CDH23: variants seen among roughly 807,000 people sequenced by gnomAD.
CDH23 encodes cadherin-23.
Under a neutral mutation model 317.1 loss-of-function variants are expected in CDH23, and 189 were observed. The observed-to-expected ratio is 0.60, with a 90% confidence interval of 0.53 to 0.67. CDH23 has a LOEUF of 0.67. Ranked by LOEUF, CDH23 falls within the 30% of genes least tolerant of loss-of-function variation. CDH23 has a pLI of 0.00. For synonymous variants in CDH23, 1,839 were observed against 1,876.8 expected (o/e 0.98, Z 0.52); for missense variants, 4,401 against 4,592.4 (o/e 0.96, Z 1.20).
In CDH23 at chr10:71,759,046, G is replaced by GT. The variant is rs568007136; in HGVS notation, c.4845+17135dup. Among the ~76,000 whole-genome samples, 560 of 145,540 alleles carry GT rather than the reference G, an allele frequency of 3.8e-3. 5 individuals are homozygous for GT. The Middle Eastern group carries it at 0.049, about 13-fold the overall frequency. ...CACCATGCCAGGCAAATTTTGGGTT[G>GT]TTTTTTTTTTGAGATGGAGTCTTGC... On this transcript the variant is annotated intron_variant, in intron 38 of 69. Coordinates refer to ENST00000224721, the MANE Select transcript of CDH23 (RefSeq NM_022124.6).
intron 3 of CDH23, among the ~76,000 whole-genome samples, chr10:71,470,828 T>C (rs879663103): frequency 3.9e-5 from 6 of 152,340 alleles, no homozygotes; most frequent in South Asian, 4.1e-4. Flanking sequence ...ACTTATGTGA[T>C]AGTATCTCAT....
chr10:71,617,146 C>A (rs1010218550), intron 10 of CDH23, 59 bp from the exon 11 acceptor site: 3 of 1,548,628 alleles, frequency 1.9e-6, no homozygotes, highest in East Asian at 2.3e-5. Flanking sequence ...CTTTGGTAAG[C>A]AAGAGCTGTT....
At chr10:71,660,157 C>T (rs1385299557) in intron 14 of CDH23, among the ~76,000 whole-genome samples, 1 of 151,996 alleles carries the variant, frequency 6.6e-6, no homozygotes, top group African/African-American at 2.4e-5. Context: ...GATGGGGTTT[C>T]ACCATGTTGG....
chr10:71,440,593 C>A (rs978332478), intron 2 of CDH23, among the ~76,000 whole-genome samples: 1 of 152,194 alleles, frequency 6.6e-6, no homozygotes, highest in Admixed American at 6.5e-5. Flanking sequence ...CAGCCAGGAG[C>A]CTTCCCCTCT....
intron 3 of CDH23, chr10:71,509,826 C>A (rs1242372887): frequency 3.9e-6 from 2 of 514,574 alleles, no homozygotes; most frequent in Non-Finnish European, 7.0e-6. Context: ...TCATAAGTGT[C>A]TTTTACACAC....
intron 38 of CDH23, among the ~76,000 whole-genome samples, chr10:71,776,312 T>G (rs900117933): frequency 7.2e-5 from 11 of 152,108 alleles, no homozygotes; most frequent in African/African-American, 2.7e-4. Context: ...ATCTGTCCAT[T>G]CTTCCAGTGG....
chr10:71,573,813 G>A (rs572274829), intron 8 of CDH23, among the ~76,000 whole-genome samples: 2 of 152,142 alleles, frequency 1.3e-5, no homozygotes, highest in African/African-American at 4.8e-5. Context: ...AGCCTGGCCC[G>A]GCTCCCCTGG....
At chr10:71,688,680 G>T (rs868757833) in intron 19 of CDH23, among the ~76,000 whole-genome samples, 9 of 138,050 alleles carry the variant, frequency 6.5e-5, no homozygotes, top group Admixed American at 2.8e-4. Context: ...GTCAGGGGTG[G>T]TGGAGCCAAC....
intron 18 of CDH23, among the ~76,000 whole-genome samples, chr10:71,683,442 G>C (rs1198736786): frequency 1.3e-5 from 2 of 152,248 alleles, no homozygotes; most frequent in East Asian, 3.8e-4. Flanking sequence ...AGCAGCCTCT[G>C]CCACTGCCCA....
chr10:71,789,318 A>G (rs1283040007), intron 45 of CDH23, among the ~76,000 whole-genome samples: 1 of 152,134 alleles, frequency 6.6e-6, no homozygotes, highest in African/African-American at 2.4e-5. Context: ...CAAGAAGGGC[A>G]TGTAAGGTGT....
chr10:71,686,760 G>A (rs1027606529), intron 18 of CDH23, among the ~76,000 whole-genome samples: 2 of 152,180 alleles, frequency 1.3e-5, no homozygotes, highest in Non-Finnish European at 2.9e-5. Context: ...GGAAAGGGGA[G>A]AAGGTCATGA....
Position 71,767,325 on chromosome 10 carries a change from G to A in CDH23, c.4846-10355G>A, listed in dbSNP as rs183794157. On this transcript the variant is annotated intron_variant, in intron 38 of 69. Coordinates refer to ENST00000224721, the MANE Select transcript of CDH23 (RefSeq NM_022124.6). ...CTTAGCCCACAGTCGCCAAGGCAAC[G>A]CCCTAGCCTTTGGAGGTGGGACCCA... Among the ~76,000 whole-genome samples, 412 of 152,332 alleles carry A rather than the reference G, an allele frequency of 2.7e-3. 4 individuals carry two copies. The highest frequency in any genetic ancestry group is 4.2e-3 in the Non-Finnish European group (285 of 68,032).
intron 1 of CDH23, among the ~76,000 whole-genome samples, chr10:71,417,630 G>T (rs1039032495): frequency 6.6e-6 from 1 of 151,868 alleles, no homozygotes; most frequent in Non-Finnish European, 1.5e-5. Context: ...TTTTCTTTGA[G>T]ACAAGTTCTG....
intron 69 of CDH23, among the ~76,000 whole-genome samples, chr10:71,814,480 T>C (rs1842051172): frequency 6.6e-6 from 1 of 152,118 alleles, no homozygotes; most frequent in Admixed American, 6.5e-5. Context: ...AGGCTGAGGC[T>C]GGTGGATCAT....
At chr10:71,672,933 C>T (rs1311034062) in intron 14 of CDH23, among the ~76,000 whole-genome samples, 1 of 152,076 alleles carries the variant, frequency 6.6e-6, no homozygotes, top group African/African-American at 2.4e-5. Context: ...GACCCAGGCC[C>T]CTCCCTTCCT....
In CDH23 at chr10:71,734,264, G is replaced by A. The variant is rs2132831052; in HGVS notation, c.4129G>A (p.Val1377Met). 1.2e-6 allele frequency: 2 copies of A among 1,611,902 alleles called. No homozygotes were observed. Among genetic ancestry groups the A allele is most frequent in the African/African-American group, 2.7e-5 (2 of 75,030 alleles). ...GGGTGTGATCACAGTCCAGGGCCTG[G>A]TGGACCGTGAGAAGGGCGACTTCTA... ...ITGVITVQGLVDREKGDFYTL... is the reference protein window; with the variant it reads ...ITGVITVQGLMDREKGDFYTL... Residue 1377 changes from valine to methionine, a missense_variant, in exon 33 of 70, where the codon GTG becomes ATG. By Grantham distance (21) the Val-to-Met change is conservative. Coordinates refer to ENST00000224721, the MANE Select transcript of CDH23 (RefSeq NM_022124.6).
intron 38 of CDH23, among the ~76,000 whole-genome samples, chr10:71,742,245 G>A (rs1044949170): frequency 3.3e-5 from 5 of 152,210 alleles, no homozygotes; most frequent in African/African-American, 1.2e-4. Flanking sequence ...CAGGGAGCAA[G>A]TGGGTATGAA....
In CDH23 at chr10:71,510,990, G is replaced by A. The variant is rs199793172; in HGVS notation, c.325G>A (p.Asp109Asn). The change falls in exon 5 of 70, where the codon GAC becomes AAC. Residue 109 changes from aspartate to asparagine, a missense_variant. By Grantham distance (23) the Asp-to-Asn change is conservative. This residue lies in a region of CDH23 where 3,068 missense variants were observed against 3,203.3 expected (regional missense o/e 0.96). Transcript: ENST00000224721. ...SEFTVEFSVSDHQGVITRKVN... is the reference protein window; with the variant it reads ...SEFTVEFSVSNHQGVITRKVN... ...GTTCACCGTGGAGTTCTCTGTCAGCGACCACCAGGGGGTGAGTGTTCCCTG... is the reference window on the plus strand; with the variant it reads ...GTTCACCGTGGAGTTCTCTGTCAGCAACCACCAGGGGGTGAGTGTTCCCTG... 1.6e-4 allele frequency: 257 copies of A among 1,613,746 alleles called. No individual in the cohort carries two copies. The highest frequency in any genetic ancestry group is 2.1e-4 in the Non-Finnish European group (244 of 1,179,840).
At chr10:71,527,109 G>A (rs914935515) in intron 6 of CDH23, among the ~76,000 whole-genome samples, 1 of 152,208 alleles carries the variant, frequency 6.6e-6, no homozygotes, top group Admixed American at 6.5e-5. Context: ...CCACCCCAGT[G>A]CCCTAGGTCA....
Sources: allele counts gnomAD v4.1 joint callset (sites outside exome capture counted in the v4.1 genomes callset), GRCh38; gene constraint gnomAD v4.1.1; regional missense constraint gnomAD v4.1.1; transcripts MANE v1.5; gene names NCBI Gene and HGNC (gene_info 2026-07-23, HGNC 2026-07-21).